KHDRBS2: variants seen among roughly 807,000 people sequenced by gnomAD.
KHDRBS2 encodes the protein KH RNA binding domain containing, signal transduction associated 2.
A neutral mutation model predicts 44.3 loss-of-function variants in KHDRBS2; 26 were observed. That is an observed-to-expected ratio of 0.59 (90% CI 0.43 to 0.81). KHDRBS2 has a LOEUF of 0.81. Ranked by LOEUF, KHDRBS2 falls within the 40% of genes least tolerant of loss-of-function variation. The pLI is 0.00. For missense variants in KHDRBS2, 476 were observed against 433.1 expected (o/e 1.10, Z -0.88); for synonymous variants, 194 against 151.1 (o/e 1.28, Z -2.08).
chr6:61,884,555 C>T (rs1800649554), intron 6 of KHDRBS2, among the ~76,000 whole-genome samples: 2 of 152,002 alleles, frequency 1.3e-5, no homozygotes, highest in Admixed American at 1.3e-4. Flanking sequence ...GCTACACCAA[C>T]ATATGAGTTA....
At chr6:62,216,400 C>T (rs1015756572) in intron 1 of KHDRBS2, among the ~76,000 whole-genome samples, 9 of 151,802 alleles carry the variant, frequency 5.9e-5, no homozygotes, top group African/African-American at 2.2e-4. Context: ...CAGAGCATAT[C>T]TAATATGTTT....
intron 1 of KHDRBS2, among the ~76,000 whole-genome samples, chr6:62,274,538 A>G (rs572472979): frequency 5.3e-5 from 8 of 152,102 alleles, no homozygotes; most frequent in Non-Finnish European, 8.8e-5. Context: ...ACTTCTACCA[A>G]TTTGAATAAA....
chr6:61,587,224 C>G, the KHDRBS2 span, among the ~76,000 whole-genome samples: 1 of 152,132 alleles, frequency 6.6e-6, no homozygotes, highest in African/African-American at 2.4e-5. Context: ...GCAGATACTT[C>G]TTTTGGAGCT....
At position 62,008,224 on chromosome 6, in the gene KHDRBS2, C is replaced by G. The variant is rs149738016; in HGVS notation, c.337-30012G>C. Among the ~76,000 whole-genome samples, 35 of 152,168 alleles carry G rather than the reference C, an allele frequency of 2.3e-4. No individual in the cohort carries two copies. In the South Asian group the frequency reaches 3.5e-3, roughly 15 times the overall value. The stretch of plus-strand genomic sequence containing the variant: ...CAGCTGGATATAACCTGCCTCAGTA[C>G]GGTATTTTTAAAAAGTACCAAGTGC... On this transcript the variant is annotated intron_variant, in intron 3 of 8. Coordinates refer to ENST00000281156, the MANE Select transcript of KHDRBS2 (RefSeq NM_152688.4).
rs181192061 is a variant in KHDRBS2, at chr6:62,202,572, C to A, written c.92-25260G>T. On this transcript the variant is annotated intron_variant, in intron 1 of 8. Transcript: ENST00000281156. ...ATCAGTGAATAAAATAGAACAAAGT[C>A]TCTAGCCTTGGGTAGTCTACTGTTA... Among the ~76,000 whole-genome samples, 15 of 152,014 alleles carry A rather than the reference C, an allele frequency of 9.9e-5. 1 individual carries two copies. The East Asian group carries it at 1.5e-3, about 16-fold the overall frequency.
intron 2 of KHDRBS2, among the ~76,000 whole-genome samples, chr6:62,051,744 T>C (rs1452510901): frequency 6.6e-5 from 10 of 152,012 alleles, no homozygotes; most frequent in Non-Finnish European, 1.0e-4. Context: ...CACACATCTA[T>C]TAAGGGTTAT....
chr6:61,586,147 C>T, the KHDRBS2 span, among the ~76,000 whole-genome samples: 1 of 152,168 alleles, frequency 6.6e-6, no homozygotes, highest in East Asian at 1.9e-4. Context: ...TTACTTAAAT[C>T]CTTTATTTGC....
At chr6:62,226,586 G>A (rs1271356702) in intron 1 of KHDRBS2, among the ~76,000 whole-genome samples, 1 of 152,178 alleles carries the variant, frequency 6.6e-6, no homozygotes, top group Non-Finnish European at 1.5e-5. Flanking sequence ...TACTTTTGGT[G>A]TTTTCCTCAT....
intron 2 of KHDRBS2, among the ~76,000 whole-genome samples, chr6:62,129,620 T>C (rs1391120934): frequency 6.6e-6 from 1 of 152,168 alleles, no homozygotes; most frequent in Non-Finnish European, 1.5e-5. Flanking sequence ...AAAAGAATGT[T>C]CTTTAAGGTG....
At chr6:61,682,892 A>G (rs775263629) in intron 8 of KHDRBS2, among the ~76,000 whole-genome samples, 5 of 151,906 alleles carry the variant, frequency 3.3e-5, no homozygotes, top group Admixed American at 6.6e-5. Context: ...TGCAAGCTTG[A>G]AAGTACCTTC....
intron 1 of KHDRBS2, among the ~76,000 whole-genome samples, chr6:62,203,486 C>T (rs1827388452): frequency 6.6e-6 from 1 of 152,068 alleles, no homozygotes; most frequent in Non-Finnish European, 1.5e-5. Flanking sequence ...TTTTGCACCA[C>T]TGGTAGTTGC....
At chr6:61,798,416 A>C (rs1465490350) in intron 6 of KHDRBS2, among the ~76,000 whole-genome samples, 1 of 152,144 alleles carries the variant, frequency 6.6e-6, no homozygotes, top group Non-Finnish European at 1.5e-5. Flanking sequence ...TTTACCAATA[A>C]AAATTATTTA....
chr6:61,727,371 C>G (rs1198835861), intron 7 of KHDRBS2, among the ~76,000 whole-genome samples: 3 of 152,102 alleles, frequency 2.0e-5, no homozygotes, highest in Admixed American at 6.6e-5. Context: ...TAGACACAGG[C>G]AAAGATTTCA....
intron 1 of KHDRBS2, among the ~76,000 whole-genome samples, chr6:62,198,441 G>A (rs552845070): frequency 1.3e-5 from 2 of 152,268 alleles, no homozygotes; most frequent in Admixed American, 1.3e-4. Flanking sequence ...ACTACCATCA[G>A]AGAATACTAT....
At chr6:62,242,336 G>A (rs1319686146) in intron 1 of KHDRBS2, among the ~76,000 whole-genome samples, 1 of 152,072 alleles carries the variant, frequency 6.6e-6, no homozygotes, top group Non-Finnish European at 1.5e-5. Flanking sequence ...TCCACTTACT[G>A]AAAATAAAAG....
intron 4 of KHDRBS2, among the ~76,000 whole-genome samples, chr6:61,965,355 G>C (rs1769685494): frequency 1.3e-5 from 2 of 152,050 alleles, no homozygotes; most frequent in African/African-American, 4.8e-5. Context: ...GACTGGGAAG[G>C]AGACCAGATA....
chr6:62,083,092 C>A (rs1442118252), intron 2 of KHDRBS2, among the ~76,000 whole-genome samples: 1 of 152,096 alleles, frequency 6.6e-6, no homozygotes, highest in Non-Finnish European at 1.5e-5. Flanking sequence ...GTTTTCCCAC[C>A]CAAATGTTGC....
chr6:62,086,800 G>A (rs1031811676), intron 2 of KHDRBS2, among the ~76,000 whole-genome samples: 10 of 151,904 alleles, frequency 6.6e-5, no homozygotes, highest in African/African-American at 2.2e-4. Context: ...GTAGCAGGTG[G>A]GTACAAGGCA....
chr6:61,590,295 C>T, the KHDRBS2 span, among the ~76,000 whole-genome samples: 1 of 152,216 alleles, frequency 6.6e-6, no homozygotes, highest in African/African-American at 2.4e-5. Flanking sequence ...GCTACAAATA[C>T]TAAAAATTCA....
Sources: allele counts gnomAD v4.1 joint callset (sites outside exome capture counted in the v4.1 genomes callset), GRCh38; gene constraint gnomAD v4.1.1; transcripts MANE v1.5; gene names NCBI Gene and HGNC (gene_info 2026-07-23, HGNC 2026-07-21).